The following PGAP1 variants were observed in gnomAD, a reference collection of about 807,000 sequenced individuals.
PGAP1 encodes post-GPI attachment to proteins inositol deacylase 1.
Under a neutral mutation model 127.0 loss-of-function variants are expected in PGAP1, and 76 were observed. The observed-to-expected ratio is 0.60, with a 90% CI of 0.50 to 0.72. PGAP1 has a LOEUF of 0.72. Ranked by LOEUF, PGAP1 falls within the 30% of genes least tolerant of loss-of-function variation. The probability of loss-of-function intolerance (pLI) is 0.00; values close to 1 mark genes in which losing one functional copy is unlikely to be tolerated. For missense variants in PGAP1, 982 were observed against 1,071.3 expected, an observed-to-expected ratio of 0.92 and a Z score of 1.16; for synonymous variants, 362 against 366.5, an observed-to-expected ratio of 0.99 and a Z score of 0.14.
intron 2 of PGAP1, among the ~76,000 whole-genome samples, chr2:196,919,077 T>C (rs1703101685): frequency 6.6e-6 from 1 of 152,062 alleles, no homozygotes; most frequent in Admixed American, 6.6e-5. Context: ...GTCAAGCATC[T>C]CCTCAAATGT....
chr2:196,853,340 CTTGA>C (rs1700778733), intron 20 of PGAP1, among the ~76,000 whole-genome samples: 1 of 152,210 alleles, frequency 6.6e-6, no homozygotes, highest in Non-Finnish European at 1.5e-5. Flanking sequence ...TCTTGGATAA[CTTGA>C]TTCTATATTC....
intron 2 of PGAP1, among the ~76,000 whole-genome samples, chr2:196,919,750 C>A (rs1297768409): frequency 6.6e-6 from 1 of 152,170 alleles, no homozygotes; most frequent in Non-Finnish European, 1.5e-5. Context: ...ATCTACTTAT[C>A]CCATCCTACT....
At chr2:196,865,192 A>G (rs1432050626) in intron 19 of PGAP1, 112 bp from the exon 20 acceptor site, 7 of 584,816 alleles carry the variant, frequency 1.2e-5, no homozygotes, top group African/African-American at 2.0e-5. Context: ...GGCTACAAAG[A>G]TATTTCCAGT....
In PGAP1 at chr2:196,926,629, A is replaced by ACCG. The variant is rs745913420; in HGVS notation, c.-16_-14dup. The ACCG allele has an allele frequency of 3.2e-4, 510 of 1,607,614 alleles. No individual in the cohort carries two copies. The highest frequency in any genetic ancestry group is 5.0e-4 in the Middle Eastern group (3 of 5,972). On this transcript the variant is annotated 5_prime_UTR_variant, in exon 1 of 27. Transcript: ENST00000354764. ...AGTGAAGAAACATGGTGCCGCCACCACCGCCGCCGCCGCCGCCGCCCCCTC... is the reference window on the plus strand; with the variant it reads ...AGTGAAGAAACATGGTGCCGCCACCACCGCCGCCGCCGCCGCCGCCGCCCCCTC...
rs1032919230 is a variant in PGAP1 at position 196,896,791 on chromosome 2, T to C, written c.927+340A>G. Among the ~76,000 whole-genome samples the C allele has an allele frequency of 4.5e-5, 6 of 132,648 alleles. No individual in the cohort carries two copies. In the South Asian group the frequency reaches 1.4e-3, roughly 32 times the overall value. The allele number at this position is 132,648 out of a possible 152,430, so 87.0% of individuals were successfully genotyped here. A position where few individuals can be genotyped will look rare whatever the true frequency, so the allele number is the denominator to read the frequency against. On this transcript the variant is annotated intron_variant, in intron 7 of 26. Coordinates refer to ENST00000354764, the MANE Select transcript of PGAP1 (RefSeq NM_024989.4). ...CTGCAGTGAGCCGAGATCACGCCAC[T>C]GCACTCCAGCCTGTGCAACAGAGTG... is the stretch of plus-strand genomic sequence containing the variant.
At chr2:196,883,437 T>C (rs1426784930) in intron 12 of PGAP1, among the ~76,000 whole-genome samples, 1 of 152,230 alleles carries the variant, frequency 6.6e-6, no homozygotes, top group Non-Finnish European at 1.5e-5. Context: ...CAGACTCATA[T>C]GTTCTAATGT....
intron 20 of PGAP1, among the ~76,000 whole-genome samples, chr2:196,864,748 G>A (rs898961219): frequency 1.3e-5 from 2 of 152,116 alleles, no homozygotes; most frequent in African/African-American, 4.8e-5. Context: ...AAGATGCAGA[G>A]AAGGCTCATC....
chr2:196,877,440 T>C (rs1219690000), intron 13 of PGAP1: 2 of 152,016 alleles, frequency 1.3e-5, no homozygotes, highest in East Asian at 3.8e-4. Flanking sequence ...CCAAAGAGCA[T>C]TAAGATGCAT....
Position 196,847,034 on chromosome 2 carries a change from G to A in PGAP1, c.2119C>T (p.Leu707Phe), listed in dbSNP as rs1435317340. 1 of 1,613,402 alleles carries A rather than the reference G, an allele frequency of 6.2e-7. No individual in the cohort carries two copies. Among genetic ancestry groups the A allele is most frequent in the South Asian group, 1.1e-5 (1 of 90,966 alleles). The change falls in exon 22 of 27, where the codon CTT becomes TTT. Residue 707 changes from leucine to phenylalanine, a missense_variant. By Grantham distance (22) the Leu-to-Phe change is conservative. Transcript: ENST00000354764. ...SGLLSSASVR[L>F]LSSLWLALKR... ...AAAGCTAGCCACAATGAAGAAAGAA[G>A]TCTCACAGATGCAGAAGACAGTAGG...
At chr2:196,905,567 A>T (rs1181948515) in intron 4 of PGAP1, among the ~76,000 whole-genome samples, 1 of 152,228 alleles carries the variant, frequency 6.6e-6, no homozygotes. Context: ...CAAAATTTTC[A>T]TCAAAATTAA....
At chr2:196,892,830 G>A (rs910604186) in intron 8 of PGAP1, among the ~76,000 whole-genome samples, 1 of 152,016 alleles carries the variant, frequency 6.6e-6, no homozygotes, top group African/African-American at 2.4e-5. Flanking sequence ...AAGGAGTCAA[G>A]AATAATATGG....
chr2:196,867,495 G>A (rs947012778), intron 19 of PGAP1, among the ~76,000 whole-genome samples: 3 of 152,148 alleles, frequency 2.0e-5, no homozygotes, highest in African/African-American at 7.2e-5. Flanking sequence ...GGCTAAGGGA[G>A]GGATAGCTTT....
chr2:196,899,488 T>C (rs1302227545), intron 5 of PGAP1, among the ~76,000 whole-genome samples: 1 of 152,224 alleles, frequency 6.6e-6, no homozygotes, highest in African/African-American at 2.4e-5. Context: ...CTGTCGTTCT[T>C]AAATTACATT....
At chr2:196,863,956 T>C (rs1701153797) in intron 20 of PGAP1, among the ~76,000 whole-genome samples, 1 of 152,206 alleles carries the variant, frequency 6.6e-6, no homozygotes, top group Non-Finnish European at 1.5e-5. Context: ...AAAGAAATGG[T>C]AAGTGCTTGA....
chr2:196,897,975 T>C (rs1019191888), intron 6 of PGAP1, among the ~76,000 whole-genome samples: 2 of 152,286 alleles, frequency 1.3e-5, no homozygotes, highest in Admixed American at 6.5e-5. Flanking sequence ...CCCAGCACTT[T>C]GGGAGGCCAA....
At chr2:196,879,564 A>G (rs1055048239) in intron 13 of PGAP1, among the ~76,000 whole-genome samples, 1 of 152,132 alleles carries the variant, frequency 6.6e-6, no homozygotes, top group Non-Finnish European at 1.5e-5. Flanking sequence ...GTGTGGTAGC[A>G]TGCGCCTGTA....
At chr2:196,895,599 G>A (rs149289057) in intron 7 of PGAP1, among the ~76,000 whole-genome samples, 121 of 152,270 alleles carry the variant, frequency 7.9e-4, no homozygotes, top group African/African-American at 2.7e-3. Flanking sequence ...ACTTAATACC[G>A]AATCTTGTAG....
intron 6 of PGAP1, 23 bp from the exon 7 acceptor site, chr2:196,897,220 C>T (rs1442755167): frequency 4.2e-6 from 6 of 1,436,430 alleles, no homozygotes; most frequent in Non-Finnish European, 4.8e-6. Context: ...GTAAGTGTTA[C>T]AAATAAAACT....
intron 12 of PGAP1, among the ~76,000 whole-genome samples, chr2:196,883,146 T>G (rs1316118690): frequency 6.6e-6 from 1 of 152,244 alleles, no homozygotes; most frequent in Non-Finnish European, 1.5e-5. Flanking sequence ...ATTTATGTGA[T>G]GAATCACCCA....
Sources: allele counts gnomAD v4.1 joint callset (sites outside exome capture counted in the v4.1 genomes callset), GRCh38; gene constraint gnomAD v4.1.1; transcripts MANE v1.5; gene names NCBI Gene and HGNC (gene_info 2026-07-23, HGNC 2026-07-21).